Variants in BCAS3 observed in about 807,000 individuals in gnomAD.
BCAS3 encodes the protein BCAS3 microtubule associated cell migration factor.
A neutral mutation model predicts 116.1 loss-of-function variants in BCAS3; 53 were observed. That is an observed-to-expected ratio of 0.46 (90% CI 0.37 to 0.57). BCAS3 has a LOEUF of 0.57. BCAS3 is among the 20% of genes least tolerant of loss of function. The probability of loss-of-function intolerance (pLI) is 0.00; values close to 1 mark genes in which losing one functional copy is unlikely to be tolerated. For synonymous variants in BCAS3, 391 were observed against 408.2 expected (o/e 0.96, Z 0.51); for missense variants, 917 against 1,165.4 (o/e 0.79, Z 3.10).
chr17:60,864,342 C>T (rs1322351470), intron 7 of BCAS3, among the ~76,000 whole-genome samples: 3 of 152,218 alleles, frequency 2.0e-5, no homozygotes, highest in African/African-American at 7.2e-5. Context: ...TCAGCTTTAG[C>T]TGGGTTAGAC....
At chr17:60,981,001 T>C (rs571592022) in intron 14 of BCAS3, among the ~76,000 whole-genome samples, 3 of 151,986 alleles carry the variant, frequency 2.0e-5, no homozygotes, top group African/African-American at 4.8e-5. Flanking sequence ...GCCAGGCTAA[T>C]GTGTTTTTAT....
At chr17:61,076,228 A>G (rs2071974088) in intron 20 of BCAS3, among the ~76,000 whole-genome samples, 1 of 152,226 alleles carries the variant, frequency 6.6e-6, no homozygotes. Flanking sequence ...TATGAAGCTA[A>G]TGACCTATCT....
intron 3 of BCAS3, among the ~76,000 whole-genome samples, chr17:60,687,299 AC>A (rs2034195196): frequency 6.6e-6 from 1 of 152,158 alleles, no homozygotes. Flanking sequence ...CAGTACACTG[AC>A]CTCTATAAAG....
chr17:60,921,409 C>G (rs568411206), intron 12 of BCAS3, among the ~76,000 whole-genome samples: 2 of 151,902 alleles, frequency 1.3e-5, no homozygotes, highest in Non-Finnish European at 2.9e-5. Context: ...GTCAGGAGAT[C>G]GAGACCATCC....
Position 61,367,474 on chromosome 17 carries a change from G to A in BCAS3, c.2426-853G>A, listed in dbSNP as rs2058803531. On this transcript the variant is annotated intron_variant, in intron 22 of 23. Transcript: ENST00000407086. The surrounding 1 kb of genome is among the most constrained non-coding windows in gnomAD (Gnocchi z 6.2). ...GAACACCACAGACGTTTTGGAATTG[G>A]GGAGCAGCTTTGGCTTAAGGACAGA... is the stretch of plus-strand genomic sequence containing the variant. 1 of 152,220 alleles carries A rather than the reference G, an allele frequency of 6.6e-6. No homozygotes were observed. The highest frequency in any genetic ancestry group is 2.4e-5 in the African/African-American group (1 of 41,458). 9.4% of individuals were successfully genotyped at this position (152,220 alleles called of 1,614,324 possible). A position where few individuals can be genotyped will look rare whatever the true frequency, so the allele number is the denominator to read the frequency against.
chr17:61,069,836 A>G, intron 19 of BCAS3: 3 of 266,806 alleles, frequency 1.1e-5, no homozygotes, highest in Non-Finnish European at 2.1e-5. Flanking sequence ...ACCCTGTGTA[A>G]AAAAAAAAAA....
chr17:60,913,873 T>G (rs2058645681), intron 12 of BCAS3, among the ~76,000 whole-genome samples: 1 of 152,190 alleles, frequency 6.6e-6, no homozygotes, highest in Non-Finnish European at 1.5e-5. Context: ...TCCATTTTTA[T>G]CTGTGTTACT....
At chr17:60,778,948 G>A (rs989455180) in intron 6 of BCAS3, among the ~76,000 whole-genome samples, 1 of 152,126 alleles carries the variant, frequency 6.6e-6, no homozygotes, top group Admixed American at 6.5e-5. Flanking sequence ...TGTGTCTGAA[G>A]TATTTTTTCT....
intron 6 of BCAS3, among the ~76,000 whole-genome samples, chr17:60,798,410 T>C (rs2047404026): frequency 1.3e-5 from 2 of 152,208 alleles, no homozygotes; most frequent in South Asian, 4.1e-4. Context: ...ACTGTCCCCA[T>C]AGTTTTATCT....
intron 14 of BCAS3, among the ~76,000 whole-genome samples, chr17:60,980,213 G>T (rs566066743): frequency 6.6e-6 from 1 of 152,260 alleles, no homozygotes; most frequent in East Asian, 1.9e-4. Context: ...CTTCTGGGCG[G>T]AAGCACTTTC....
chr17:61,241,478 G>A lies in BCAS3; in HGVS notation c.2426-126849G>A, dbSNP rs1173685167. ...TGTAATCCCAACACTTTGGGAGGCC[G>A]AGGCAGGCGGATCACGAGGTCAGGA... On this transcript the variant is annotated intron_variant, in intron 22 of 23. Coordinates refer to ENST00000407086, the MANE Select transcript of BCAS3 (RefSeq NM_017679.5). This position sits in a 1 kb window ranked among gnomAD's most constrained non-coding sequence, Gnocchi z 4.6. 7.2e-5 allele frequency among the ~76,000 whole-genome samples: 11 copies of A among 152,056 alleles called. No individual in the cohort carries two copies. Among genetic ancestry groups the A allele is most frequent in the Non-Finnish European group, 1.0e-4 (7 of 68,018 alleles).
At chr17:60,679,270 A>T (rs564528459) in intron 1 of BCAS3, among the ~76,000 whole-genome samples, 183 bp from the exon 2 acceptor site, 4 of 152,178 alleles carry the variant, frequency 2.6e-5, no homozygotes, top group African/African-American at 4.8e-5. Flanking sequence ...ATTTGAAAAA[A>T]ATTAAAAACC....
intron 7 of BCAS3, among the ~76,000 whole-genome samples, chr17:60,867,685 A>G (rs1310651557): frequency 6.6e-6 from 1 of 152,170 alleles, no homozygotes; most frequent in Non-Finnish European, 1.5e-5. Flanking sequence ...CTATATTTCT[A>G]TGCACAGATT....
intron 22 of BCAS3, among the ~76,000 whole-genome samples, chr17:61,114,875 C>T: frequency 6.6e-6 from 1 of 151,878 alleles, no homozygotes; most frequent in Non-Finnish European, 1.5e-5. Context: ...CAGCATGGTA[C>T]TGGTACCAAA....
At chr17:61,009,513 C>G (rs1460968127) in intron 15 of BCAS3, among the ~76,000 whole-genome samples, 1 of 152,038 alleles carries the variant, frequency 6.6e-6, no homozygotes, top group African/African-American at 2.4e-5. Context: ...TGATCTACAA[C>G]TATTGTCATT....
chr17:60,758,877 A>G (rs1202248648), intron 6 of BCAS3, among the ~76,000 whole-genome samples: 6 of 152,134 alleles, frequency 3.9e-5, no homozygotes, highest in Non-Finnish European at 8.8e-5. Flanking sequence ...TCATTGACCC[A>G]GTGGTTGTTC....
chr17:60,761,905 G>A (rs544814928), intron 6 of BCAS3, among the ~76,000 whole-genome samples: 16 of 151,416 alleles, frequency 1.1e-4, no homozygotes, highest in South Asian at 8.3e-4. Flanking sequence ...ATTCTAATTC[G>A]TGTGAGATGG....
At chr17:61,027,707 G>A (rs1054162823) in intron 16 of BCAS3, among the ~76,000 whole-genome samples, 1 of 151,752 alleles carries the variant, frequency 6.6e-6, no homozygotes, top group African/African-American at 2.4e-5. Flanking sequence ...TGATTTGGGG[G>A]GAGTTTTCTA....
chr17:61,071,778 A>AC (rs2071453443), intron 19 of BCAS3, among the ~76,000 whole-genome samples: 2 of 152,222 alleles, frequency 1.3e-5, no homozygotes, highest in Admixed American at 1.3e-4. Flanking sequence ...GTTTAACACC[A>AC]CAGTGCCAAT....
Sources: allele counts gnomAD v4.1 joint callset (sites outside exome capture counted in the v4.1 genomes callset), GRCh38; gene constraint gnomAD v4.1.1; non-coding constraint Gnocchi (gnomAD v3.1); transcripts MANE v1.5; gene names NCBI Gene and HGNC (gene_info 2026-07-23, HGNC 2026-07-21).